The following SYNDIG1 variants were observed in gnomAD, a reference collection of about 807,000 sequenced individuals.
SYNDIG1 encodes the protein synapse differentiation inducing 1, also known as synapse differentiation-inducing gene protein 1.
A neutral mutation model predicts 19.4 loss-of-function variants in SYNDIG1; 9 were observed. That is an observed-to-expected ratio of 0.46 (90% CI 0.28 to 0.81). SYNDIG1 has a LOEUF of 0.81. SYNDIG1 is among the 30% of genes least tolerant of loss of function. SYNDIG1 has a pLI of 0.12. For synonymous variants in SYNDIG1, 141 were observed against 145.9 expected (o/e 0.97, Z 0.24); for missense variants, 311 against 343.3 (o/e 0.91, Z 0.74).
intron 1 of SYNDIG1, among the ~76,000 whole-genome samples, chr20:24,489,398 CAT>C (rs11469705): frequency 0.068 from 10,396 of 151,854 alleles, 808 homozygotes; most frequent in African/African-American, 0.19. Flanking sequence ...GATACAGACA[CAT>C]GTGCACACAG....
intron 1 of SYNDIG1, among the ~76,000 whole-genome samples, chr20:24,486,100 C>T (rs1012732353): frequency 1.2e-4 from 19 of 152,272 alleles, no homozygotes; most frequent in African/African-American, 4.1e-4. Flanking sequence ...GGAGGGTCAC[C>T]CCAGCTCTCA....
intron 3 of SYNDIG1, among the ~76,000 whole-genome samples, chr20:24,607,217 G>C (rs951809814): frequency 1.2e-4 from 19 of 152,110 alleles, no homozygotes; most frequent in African/African-American, 4.6e-4. Context: ...AAAATTAGCT[G>C]GGTGTGGTGG....
chr20:24,544,932 G>A (rs1010185732), intron 2 of SYNDIG1, among the ~76,000 whole-genome samples: 1 of 152,118 alleles, frequency 6.6e-6, no homozygotes, highest in Non-Finnish European at 1.5e-5. Context: ...AGCAGGTGAG[G>A]CTCCCTTGGC....
At chr20:24,559,030 C>G (rs2057882408) in intron 2 of SYNDIG1, among the ~76,000 whole-genome samples, 1 of 152,154 alleles carries the variant, frequency 6.6e-6, no homozygotes, top group South Asian at 2.1e-4. Flanking sequence ...GATACCTGCT[C>G]TCATATGTTT....
intron 1 of SYNDIG1, among the ~76,000 whole-genome samples, chr20:24,522,052 T>G (rs1352832424): frequency 6.6e-6 from 1 of 152,134 alleles, no homozygotes; most frequent in Non-Finnish European, 1.5e-5. Flanking sequence ...TGCCATACCC[T>G]GACAGCTGTG....
intron 1 of SYNDIG1, among the ~76,000 whole-genome samples, chr20:24,515,620 C>A (rs1475112528): frequency 6.6e-6 from 1 of 151,822 alleles, no homozygotes; most frequent in African/African-American, 2.4e-5. Context: ...ACCTAGGAAT[C>A]CAACTTACAA....
intron 3 of SYNDIG1, among the ~76,000 whole-genome samples, chr20:24,642,072 C>G (rs2059383039): frequency 6.6e-6 from 1 of 152,332 alleles, no homozygotes; most frequent in Non-Finnish European, 1.5e-5. Flanking sequence ...CAAGATTTAC[C>G]TAATGTCCTT....
chr20:24,531,644 C>G (rs2057262666), intron 1 of SYNDIG1, among the ~76,000 whole-genome samples: 1 of 144,128 alleles, frequency 6.9e-6, no homozygotes, highest in Non-Finnish European at 1.5e-5. Flanking sequence ...AAAAAAAATG[C>G]TACCTGTAAT....
chr20:24,556,689 G>A (rs1255218614), intron 2 of SYNDIG1, among the ~76,000 whole-genome samples: 2 of 152,182 alleles, frequency 1.3e-5, no homozygotes, highest in Non-Finnish European at 2.9e-5. Flanking sequence ...TTAGTCTGAT[G>A]GGCTTCCCTT....
At position 24,476,531 on chromosome 20, in the gene SYNDIG1, G is replaced by A. The variant is rs982844013; in HGVS notation, c.-79+6778G>A. On this transcript the variant is annotated intron_variant, in intron 1 of 3. Coordinates refer to ENST00000376862, the MANE Select transcript of SYNDIG1 (RefSeq NM_024893.3). Reference sequence around the variant, plus strand: ...AAAAATAACAAAAAATTAGCCGGACGTGGTGGCGGGCACCTGTAGTCCCAC... The same window carrying A: ...AAAAATAACAAAAAATTAGCCGGACATGGTGGCGGGCACCTGTAGTCCCAC... Among the ~76,000 whole-genome samples the A allele has an allele frequency of 5.9e-5, 9 of 152,060 alleles. No homozygotes were observed. The South Asian group carries it at 8.3e-4, about 14-fold the overall frequency.
Position 24,626,146 on chromosome 20 carries a change from G to A in SYNDIG1, c.619-39200G>A, listed in dbSNP as rs1161534081. Among the ~76,000 whole-genome samples the A allele has an allele frequency of 7.9e-4, 119 of 150,720 alleles. 1 individual carries two copies. Among genetic ancestry groups the A allele is most frequent in the African/African-American group, 7.9e-4 (32 of 40,720 alleles). ...CAGAGGTGCCCCTCACCTCCCGGAC[G>A]GGGCGGCTGGCCGGGCAGGGGGCTG... On this transcript the variant is annotated intron_variant, in intron 3 of 3. Transcript: ENST00000376862.
intron 1 of SYNDIG1, among the ~76,000 whole-genome samples, chr20:24,473,199 G>A (rs1208722217): frequency 6.6e-6 from 1 of 152,168 alleles, no homozygotes; most frequent in Non-Finnish European, 1.5e-5. Context: ...AGAACACTAG[G>A]GGTAAATGAC....
intron 2 of SYNDIG1, among the ~76,000 whole-genome samples, chr20:24,578,441 C>CAA (rs11087470): frequency 1.4e-3 from 162 of 118,322 alleles, no homozygotes; most frequent in African/African-American, 4.6e-3. Flanking sequence ...GACTCTGTAT[C>CAA]AAAAAAAAAA....
At chr20:24,479,372 C>A (rs2055730907) in intron 1 of SYNDIG1, among the ~76,000 whole-genome samples, 1 of 152,176 alleles carries the variant, frequency 6.6e-6, no homozygotes, top group Non-Finnish European at 1.5e-5. Flanking sequence ...CCTCTACCAA[C>A]TGAGCTTTCC....
At chr20:24,569,697 AAG>A (rs1394315265) in intron 2 of SYNDIG1, among the ~76,000 whole-genome samples, 5 of 152,212 alleles carry the variant, frequency 3.3e-5, no homozygotes, top group Non-Finnish European at 7.3e-5. Context: ...CCCCAGAAAA[AAG>A]TGCAAACAAA....
chr20:24,592,113 A>G (rs1302145883), intron 3 of SYNDIG1, among the ~76,000 whole-genome samples: 1 of 152,160 alleles, frequency 6.6e-6, no homozygotes, highest in Non-Finnish European at 1.5e-5. Flanking sequence ...GGTATTTATT[A>G]TTTCTCCTGA....
intron 1 of SYNDIG1, among the ~76,000 whole-genome samples, chr20:24,490,140 CA>C (rs1175698357): frequency 2.6e-5 from 4 of 152,212 alleles, no homozygotes; most frequent in African/African-American, 9.6e-5. Flanking sequence ...TGGGCAGTGA[CA>C]GGGGCAGGGC....
In SYNDIG1 at chr20:24,476,962, G is replaced by C. The variant is rs532941767; in HGVS notation, c.-79+7209G>C. On this transcript the variant is annotated intron_variant, in intron 1 of 3. Transcript: ENST00000376862. ...TACACTTGCTAATCTGAATGTTCTG[G>C]GTGTAGGTGTATTAGCTGTAAATCG... is the stretch of plus-strand genomic sequence containing the variant. Among the ~76,000 whole-genome samples, 3 of 151,872 alleles carry C rather than the reference G, an allele frequency of 2.0e-5. No individual in the cohort carries two copies. In the South Asian group the frequency reaches 6.2e-4, roughly 32 times the overall value.
At chr20:24,507,655 TGG>T (rs2146433187) in intron 1 of SYNDIG1, among the ~76,000 whole-genome samples, 1 of 152,292 alleles carries the variant, frequency 6.6e-6, no homozygotes, top group African/African-American at 2.4e-5. Flanking sequence ...TGAAGGTCTG[TGG>T]GTGTGGGGGA....
Sources: allele counts gnomAD v4.1 joint callset (sites outside exome capture counted in the v4.1 genomes callset), GRCh38; gene constraint gnomAD v4.1.1; transcripts MANE v1.5; gene names NCBI Gene and HGNC (gene_info 2026-07-23, HGNC 2026-07-21).